The following PTPN21 variants were observed in gnomAD, a reference collection of about 807,000 sequenced individuals.
The protein encoded by PTPN21 is tyrosine-protein phosphatase non-receptor type 21.
In PTPN21, 77 loss-of-function variants were observed where a neutral mutation model predicts 131.8. That is an observed-to-expected ratio of 0.58 (90% confidence interval 0.49 to 0.71). The LOEUF is 0.71. Among genes scored for constraint, PTPN21 ranks in the 30% least tolerant of loss-of-function variants. The pLI is 0.00. For missense variants in PTPN21, 1,552 were observed against 1,527.1 expected (o/e 1.02, Z -0.27); for synonymous variants, 715 against 621.3 (o/e 1.15, Z -2.24).
intron 10 of PTPN21, among the ~76,000 whole-genome samples, chr14:88,487,881 G>A (rs1049216946): frequency 1.3e-5 from 2 of 150,482 alleles, no homozygotes. Flanking sequence ...CAGGAGAATC[G>A]CTTGAGCCAA....
chr14:88,550,675 A>G (rs1390232452), intron 1 of PTPN21, 56 bp from the exon 2 acceptor site: 2 of 344,816 alleles, frequency 5.8e-6, no homozygotes, highest in Non-Finnish European at 1.1e-5. Context: ...CTTTGCTTGT[A>G]TAAAGAAAAG....
chr14:88,501,368 T>C lies in PTPN21; in HGVS notation c.588A>G (p.Arg196=). 1 of 1,613,258 alleles carries C rather than the reference T, an allele frequency of 6.2e-7. No homozygotes were observed. The highest frequency in any genetic ancestry group is 8.5e-7 in the Non-Finnish European group (1 of 1,179,246). ...TTTCAGCATCAGGAGCTGTGAGCCC[T>C]CTGCAACCCAAAAGAAGCAAGATTG... The part of the protein sequence containing the change: ...QKVALLHQKY[R]GLTAPDAEML... Residue 196 remains arginine (R), a splice_region_variant and synonymous_variant, in exon 7 of 19, where the codon AGA becomes AGG. Transcript: ENST00000556564.
intron 13 of PTPN21, among the ~76,000 whole-genome samples, chr14:88,474,920 C>T (rs1031403710): frequency 1.4e-4 from 22 of 152,046 alleles, no homozygotes; most frequent in African/African-American, 5.3e-4. Flanking sequence ...GGTGAAACCC[C>T]GTCTCTACTA....
intron 3 of PTPN21, among the ~76,000 whole-genome samples, chr14:88,508,914 A>T (rs1258672122): frequency 1.3e-5 from 2 of 152,198 alleles, no homozygotes; most frequent in Non-Finnish European, 2.9e-5. Flanking sequence ...AGTTACCAGA[A>T]CAAGGTTTAG....
intron 2 of PTPN21, among the ~76,000 whole-genome samples, chr14:88,522,719 T>C (rs1353667000): frequency 2.0e-5 from 3 of 152,196 alleles, no homozygotes; most frequent in Non-Finnish European, 4.4e-5. Context: ...CTAAAATTGC[T>C]GCTAGAAATG....
chr14:88,490,048 G>A (rs816074), intron 10 of PTPN21, among the ~76,000 whole-genome samples: 4 of 149,668 alleles, frequency 2.7e-5, no homozygotes, highest in South Asian at 2.1e-4. Flanking sequence ...TTGCTCTGTC[G>A]CCCAGGCTGA....
At chr14:88,491,835 A>T (rs1566822409) in intron 10 of PTPN21, among the ~76,000 whole-genome samples, 1 of 152,216 alleles carries the variant, frequency 6.6e-6, no homozygotes, top group Non-Finnish European at 1.5e-5. Context: ...ATTCCATTTT[A>T]AAAAGATTCA....
rs1350484985 is a variant in PTPN21 at position 88,550,307 on chromosome 14, G to A, written c.111C>T (p.Phe37=). ...GGCCAGTGCTCTCCACGGACAGGGT[G>A]AACTCCACAAACTCGTTATTAAGCA... ...IQLLNNEFVE[F]TLSVESTGQE... is the part of the protein sequence containing the mutation. Residue 37 remains phenylalanine, a synonymous_variant, in exon 2 of 19, where the codon TTC becomes TTT. Coordinates refer to ENST00000556564, the MANE Select transcript of PTPN21 (RefSeq NM_007039.4). 2.5e-6 allele frequency: 4 copies of A among 1,614,188 alleles called. No individual in the cohort carries two copies. Among genetic ancestry groups the A allele is most frequent in the Non-Finnish European group, 3.4e-6 (4 of 1,180,020 alleles).
chr14:88,468,960 C>T lies in PTPN21; in HGVS notation c.3352G>A (p.Val1118Met), dbSNP rs181544048. The stretch of plus-strand genomic sequence containing the variant: ...GCGATCATGATCTCCGACAAAATCA[C>T]CACGCCAGTCCTTCCTACCCCAGCA... ...CSAGVGRTGV[V>M]ILSEIMIACL... The change falls in exon 18 of 19, where the codon GTG (valine) becomes ATG (methionine). Residue 1118 changes from valine to methionine, a missense_variant. Physicochemically the swap from Val to Met is conservative, Grantham distance 21 (BLOSUM62 1). Around this residue, in one of 4 missense-constraint regions of PTPN21, gnomAD observed 316 missense variants for 378.5 expected, o/e 0.83. Transcript: ENST00000556564. The T allele has an allele frequency of 1.3e-5, 21 of 1,614,230 alleles. No homozygotes were observed. The East Asian group carries it at 4.7e-4, about 36-fold the overall frequency.
rs765566910 is a variant in PTPN21, at chr14:88,472,475, A to G, written c.2650-10T>C. 6.5e-7 allele frequency: 1 copy of G among 1,537,658 alleles called. No homozygotes were observed. Among genetic ancestry groups the G allele is most frequent in the Non-Finnish European group, 9.0e-7 (1 of 1,111,828 alleles). ...GTTCCAGAATTTTACACTATAAAACAGAATATGTGTAATAACATGAATACA... is the reference window on the plus strand; with the variant it reads ...GTTCCAGAATTTTACACTATAAAACGGAATATGTGTAATAACATGAATACA... On this transcript the variant is annotated splice_polypyrimidine_tract_variant and intron_variant, in intron 14 of 18. Coordinates refer to ENST00000556564, the MANE Select transcript of PTPN21 (RefSeq NM_007039.4).
intron 2 of PTPN21, among the ~76,000 whole-genome samples, chr14:88,522,137 T>TG (rs2139323584): frequency 6.6e-6 from 1 of 152,160 alleles, no homozygotes; most frequent in African/African-American, 2.4e-5. Context: ...AAAAGAATGG[T>TG]GGGCTTAGGC....
rs28380472 is a variant in PTPN21 at position 88,479,421 on chromosome 14, C to T, written c.2010G>A (p.Ser670=). 2,327 of 1,602,434 alleles carry T rather than the reference C, an allele frequency of 1.5e-3. 21 individuals are homozygous for T. In the African/African-American group the frequency reaches 0.026, roughly 18 times the overall value. ...SAAEVAPRAV[S]VGSQPSVFTE... is the part of the protein sequence containing the mutation. Reference sequence around the variant, plus strand: ...TGAAAACGCTGGGCTGGGAGCCCACCGAGACGGCTCGCGGCGCCACCTCTG... The same window carrying T: ...TGAAAACGCTGGGCTGGGAGCCCACTGAGACGGCTCGCGGCGCCACCTCTG... Residue 670 remains serine, a synonymous_variant, in exon 13 of 19, where the codon TCG becomes TCA. Transcript: ENST00000556564.
At chr14:88,488,503 G>C (rs758667753) in intron 10 of PTPN21, among the ~76,000 whole-genome samples, 1 of 152,182 alleles carries the variant, frequency 6.6e-6, no homozygotes, top group Non-Finnish European at 1.5e-5. Context: ...TTTACTCTGA[G>C]ACCAGCTATC....
At position 88,469,696 on chromosome 14, in the gene PTPN21, C is replaced by T. The variant is rs780608005; in HGVS notation, c.3038G>A (p.Arg1013Gln). The part of the protein sequence containing the change: ...GREKSFRYWP[R>Q]LGSRHNTVTY... Reference sequence around the variant, plus strand: ...GACAGTGTTGTGCCTGGAACCAAGTCGTGGCCAGTACCTAAAGCTCTTCTC... The same window carrying T: ...GACAGTGTTGTGCCTGGAACCAAGTTGTGGCCAGTACCTAAAGCTCTTCTC... Residue 1013 changes from arginine (R) to glutamine (Q), a missense_variant, in exon 17 of 19, where the codon CGA becomes CAA. By Grantham distance (43) the Arg-to-Gln change is conservative. Transcript: ENST00000556564. The surrounding 1 kb of genome is among the most constrained non-coding windows in gnomAD (Gnocchi z 4.3). The T allele has an allele frequency of 3.1e-6, 5 of 1,614,128 alleles. No homozygotes were observed. The highest frequency in any genetic ancestry group is 2.2e-5 in the South Asian group (2 of 91,052).
chr14:88,531,981 G>A (rs940409424), intron 2 of PTPN21, among the ~76,000 whole-genome samples: 4 of 152,028 alleles, frequency 2.6e-5, no homozygotes, highest in East Asian at 1.9e-4. Context: ...ACGCCTTTGC[G>A]TGCATAAACT....
intron 12 of PTPN21, among the ~76,000 whole-genome samples, chr14:88,482,249 G>A (rs538076393): frequency 6.6e-6 from 1 of 152,306 alleles, no homozygotes; most frequent in South Asian, 2.1e-4. Context: ...AGCTACAGAG[G>A]AGTAAAATAA....
At chr14:88,526,636 T>C (rs2078482226) in intron 2 of PTPN21, among the ~76,000 whole-genome samples, 1 of 149,348 alleles carries the variant, frequency 6.7e-6, no homozygotes, top group South Asian at 2.1e-4. Context: ...AGATCAGAAA[T>C]ATTCATAATA....
At chr14:88,538,375 G>C (rs2078659005) in intron 2 of PTPN21, among the ~76,000 whole-genome samples, 1 of 152,264 alleles carries the variant, frequency 6.6e-6, no homozygotes, top group Admixed American at 6.5e-5. Flanking sequence ...ACACTCCTGG[G>C]ATGTATTTCA....
At chr14:88,528,381 T>C (rs1250284922) in intron 2 of PTPN21, among the ~76,000 whole-genome samples, 1 of 152,238 alleles carries the variant, frequency 6.6e-6, no homozygotes, top group Non-Finnish European at 1.5e-5. Flanking sequence ...GCTGGGTATA[T>C]TCCTAAGTAT....
Sources: allele counts gnomAD v4.1 joint callset (sites outside exome capture counted in the v4.1 genomes callset), GRCh38; gene constraint gnomAD v4.1.1; regional missense constraint gnomAD v4.1.1; non-coding constraint Gnocchi (gnomAD v3.1); transcripts MANE v1.5; gene names NCBI Gene and HGNC (gene_info 2026-07-23, HGNC 2026-07-21).